The following ATP10B variants were observed in gnomAD, a reference collection of about 807,000 sequenced individuals.
ATP10B encodes ATPase phospholipid transporting 10B (putative).
ATP10B carries 122 observed loss-of-function variants against 141.2 expected under a neutral mutation model. The ratio of observed to expected loss-of-function variants is 0.86; its 90% CI spans 0.75 to 1.00. The LOEUF is 1.00. Ranked by LOEUF, ATP10B falls within the 50% of genes least tolerant of loss-of-function variation. The probability of loss-of-function intolerance (pLI) is 0.00; values close to 1 mark genes in which losing one functional copy is unlikely to be tolerated. For synonymous variants in ATP10B, 685 were observed against 692.0 expected (o/e 0.99, Z 0.16); for missense variants, 1,876 against 1,825.3 (o/e 1.03, Z -0.51).
At chr5:160,640,359 G>T (rs1581246196) in intron 10 of ATP10B, 102 bp downstream of exon 10, 2 of 1,365,730 alleles carry the variant, frequency 1.5e-6, no homozygotes, top group East Asian at 2.3e-5. Flanking sequence ...GGCAGGGTAG[G>T]CTTTACATTT....
chr5:160,757,855 A>G (rs1426246043), intron 2 of ATP10B, among the ~76,000 whole-genome samples: 2 of 152,200 alleles, frequency 1.3e-5, no homozygotes, highest in African/African-American at 4.8e-5. Flanking sequence ...GCTTTGTTGC[A>G]GGGAACTGTC....
chr5:160,874,370 A>G, the ATP10B span, among the ~76,000 whole-genome samples: 2 of 152,126 alleles, frequency 1.3e-5, no homozygotes, highest in African/African-American at 4.8e-5. Context: ...CATCCACACC[A>G]AAAACTCATC....
chr5:160,912,562 G>A, the ATP10B span, among the ~76,000 whole-genome samples: 594 of 151,284 alleles, frequency 3.9e-3, 2 homozygotes, highest in Non-Finnish European at 4.7e-3. Context: ...TCACGCCACC[G>A]CACTCTAGCC....
At chr5:160,631,897 CA>C (rs1313248428) in intron 13 of ATP10B, among the ~76,000 whole-genome samples, 7 of 151,772 alleles carry the variant, frequency 4.6e-5, no homozygotes, top group African/African-American at 1.7e-4. Context: ...AAAAGAGAAG[CA>C]AAAAAGTCTA....
intron 22 of ATP10B, among the ~76,000 whole-genome samples, chr5:160,592,094 G>T (rs1355196090): frequency 6.6e-6 from 1 of 152,186 alleles, no homozygotes; most frequent in African/African-American, 2.4e-5. Context: ...ATTCAGGGCT[G>T]CAGTGTGGCC....
the ATP10B span, among the ~76,000 whole-genome samples, chr5:160,857,705 T>C: frequency 6.6e-6 from 1 of 151,908 alleles, no homozygotes; most frequent in African/African-American, 2.4e-5. Flanking sequence ...TACTGTGTTG[T>C]ATTTTAAATT....
chr5:160,609,401 CAG>C (rs1757585595), intron 18 of ATP10B, among the ~76,000 whole-genome samples: 1 of 146,516 alleles, frequency 6.8e-6, no homozygotes, highest in African/African-American at 2.6e-5. Context: ...TTTTTTGAGG[CAG>C]AGTCTCACTC....
chr5:160,875,178 C>T, the ATP10B span, among the ~76,000 whole-genome samples: 18 of 122,242 alleles, frequency 1.5e-4, no homozygotes, highest in African/African-American at 2.5e-4. Context: ...ACACTAACAG[C>T]GGATCTCTTG....
intron 1 of ATP10B, among the ~76,000 whole-genome samples, chr5:160,815,200 T>C (rs936680553): frequency 6.6e-6 from 1 of 152,034 alleles, no homozygotes; most frequent in African/African-American, 2.4e-5. Context: ...GCAAATTGGA[T>C]AAAGAGTCAA....
At chr5:160,613,903 A>C (rs1384563129) in intron 17 of ATP10B, 4 of 152,218 alleles carry the variant, frequency 2.6e-5, no homozygotes, top group African/African-American at 9.6e-5. Flanking sequence ...TCTGGGCAGG[A>C]GCACGGCATT....
rs192192462 is a variant in ATP10B at position 160,813,142 on chromosome 5, C to A, written c.-575-27339G>T. On this transcript the variant is annotated intron_variant, in intron 1 of 25. Coordinates refer to ENST00000327245, the MANE Select transcript of ATP10B (RefSeq NM_025153.3). ...GGAGTGTCAGAAAGTGGATGCAGGA[C>A]AGTGGGTGCAGTGCACCGAGCATGA... Among the ~76,000 whole-genome samples, 7 of 152,304 alleles carry A rather than the reference C, an allele frequency of 4.6e-5. No individual in the cohort carries two copies. In the East Asian group the frequency reaches 1.4e-3, roughly 29 times the overall value.
In ATP10B at chr5:160,796,944, G is replaced by T. The variant is rs146791534; in HGVS notation, c.-575-11141C>A. ...ATTTTCTTTAACCTGGAGCTTAAACGGCAATCTTCTTAGGGTGGGAACTGT... is the reference window on the plus strand; with the variant it reads ...ATTTTCTTTAACCTGGAGCTTAAACTGCAATCTTCTTAGGGTGGGAACTGT... On this transcript the variant is annotated intron_variant, in intron 1 of 25. Transcript: ENST00000327245. 3.7e-3 allele frequency among the ~76,000 whole-genome samples: 559 copies of T among 152,284 alleles called. 4 individuals are homozygous for T. Among genetic ancestry groups the T allele is most frequent in the African/African-American group, 0.013 (527 of 41,572 alleles).
At chr5:160,784,508 T>G (rs189631513) in intron 2 of ATP10B, among the ~76,000 whole-genome samples, 1 of 152,340 alleles carries the variant, frequency 6.6e-6, no homozygotes, top group Non-Finnish European at 1.5e-5. Context: ...GAAAGTCAAA[T>G]TAGCAATGCA....
intron 2 of ATP10B, among the ~76,000 whole-genome samples, chr5:160,779,552 G>A (rs1770581899): frequency 6.6e-6 from 1 of 152,170 alleles, no homozygotes; most frequent in Admixed American, 6.5e-5. Flanking sequence ...TGGAGGAACT[G>A]AGTGTGACTA....
At chr5:160,842,898 G>A (rs138384711) in intron 1 of ATP10B, among the ~76,000 whole-genome samples, 309 of 152,028 alleles carry the variant, frequency 2.0e-3, no homozygotes, top group African/African-American at 7.2e-3. Flanking sequence ...TCTTATACAA[G>A]TTGTTTCAGA....
chr5:160,613,780 C>A (rs1192624000), intron 17 of ATP10B: 2 of 152,126 alleles, frequency 1.3e-5, no homozygotes, highest in African/African-American at 2.4e-5. Flanking sequence ...TTGCACCAGC[C>A]CTGATGAATA....
chr5:160,595,831 T>G (rs150444985), intron 22 of ATP10B, among the ~76,000 whole-genome samples: 119,358 of 149,330 alleles, frequency 0.8, 47,842 homozygotes, highest in Middle Eastern at 0.87. Context: ...ACCCTCCCAA[T>G]ACTAAACCAG....
At chr5:160,861,838 C>T in the ATP10B span, among the ~76,000 whole-genome samples, 1 of 151,832 alleles carries the variant, frequency 6.6e-6, no homozygotes, top group African/African-American at 2.4e-5. Context: ...GAAACTTAGA[C>T]ATTTTAAAAT....
chr5:160,892,330 G>T, the ATP10B span, among the ~76,000 whole-genome samples: 4 of 152,096 alleles, frequency 2.6e-5, no homozygotes, highest in African/African-American at 7.2e-5. Context: ...TCAATTTCTT[G>T]CCACTAAGGT....
Sources: allele counts gnomAD v4.1 joint callset (sites outside exome capture counted in the v4.1 genomes callset), GRCh38; gene constraint gnomAD v4.1.1; transcripts MANE v1.5; gene names NCBI Gene and HGNC (gene_info 2026-07-23, HGNC 2026-07-21).